The following ITSN1 variants were observed in gnomAD, a reference collection of about 807,000 sequenced individuals.
ITSN1 encodes the protein intersectin 1.
A neutral mutation model predicts 239.8 loss-of-function variants in ITSN1; 58 were observed. The ratio of observed to expected loss-of-function variants is 0.24; its 90% CI spans 0.20 to 0.30. The LOEUF (loss-of-function observed/expected upper bound fraction) is 0.30, where lower values mean the gene tolerates loss of function less well. Among genes scored for constraint, ITSN1 ranks in the 10% least tolerant of loss-of-function variants. The probability of loss-of-function intolerance (pLI) is 1.00; values close to 1 mark genes in which losing one functional copy is unlikely to be tolerated. For synonymous variants in ITSN1, 780 were observed against 770.8 expected, an observed-to-expected ratio of 1.01 and a Z score of -0.20; for missense variants, 1,558 against 2,103.3, an observed-to-expected ratio of 0.74 and a Z score of 5.07.
chr21:33,656,349 A>G (rs1470952671), intron 1 of ITSN1, among the ~76,000 whole-genome samples: 1 of 152,114 alleles, frequency 6.6e-6, no homozygotes, highest in Non-Finnish European at 1.5e-5. Flanking sequence ...GTGTCATACA[A>G]ATTAATAATT....
intron 1 of ITSN1, among the ~76,000 whole-genome samples, chr21:33,705,119 A>T (rs920763322): frequency 6.7e-6 from 1 of 149,938 alleles, no homozygotes; most frequent in Non-Finnish European, 1.5e-5. Flanking sequence ...TCAAAAAAAA[A>T]AAAAAAAAAA....
chr21:33,842,876 G>C (rs1169158330), intron 29 of ITSN1, among the ~76,000 whole-genome samples: 1 of 152,070 alleles, frequency 6.6e-6, no homozygotes, highest in Non-Finnish European at 1.5e-5. Flanking sequence ...GTTTCCCTCA[G>C]TGAGAGGATG....
At chr21:33,826,752 A>T in intron 25 of ITSN1, 66 bp from the exon 26 acceptor site, 1 of 1,451,292 alleles carries the variant, frequency 6.9e-7, no homozygotes, top group Non-Finnish European at 9.7e-7. Flanking sequence ...TATCATCATT[A>T]ATCGTTTTTA....
In ITSN1 at chr21:33,703,925, G is replaced by T. The variant is rs1236386456; in HGVS notation, c.-32-14872G>T. Among the ~76,000 whole-genome samples, 3 of 152,168 alleles carry T rather than the reference G, an allele frequency of 2.0e-5. No homozygotes were observed. The South Asian group carries it at 6.2e-4, about 32-fold the overall frequency. On this transcript the variant is annotated intron_variant, in intron 1 of 39. Transcript: ENST00000381318. ...CCCTTAGCCCTGAGGTGCTGCCTCT[G>T]CTTGGGGCTGAGCTTCCTGCACTCC...
intron 4 of ITSN1, among the ~76,000 whole-genome samples, chr21:33,731,317 G>A (rs907619722): frequency 6.6e-6 from 1 of 152,138 alleles, no homozygotes; most frequent in Non-Finnish European, 1.5e-5. Flanking sequence ...TGGGGAACAG[G>A]GAGTGGGCAC....
rs899089428 is a variant in ITSN1, at chr21:33,750,259, G to A, written c.463G>A (p.Val155Met). 1 of 1,614,106 alleles carries A rather than the reference G, an allele frequency of 6.2e-7. No individual in the cohort carries two copies. Among genetic ancestry groups the A allele is most frequent in the African/African-American group, 1.3e-5 (1 of 75,038 alleles). Residue 155 changes from valine to methionine, a missense_variant, in exon 6 of 40, where the codon GTG (valine) becomes ATG (methionine). Val to Met is a conservative substitution (Grantham distance 21). Transcript: ENST00000381318. ...AGTATCTTCTGTTCCCACAGCAGCT[G>A]TGCCCCCCCTGGCTAACGGGGCTCC... The part of the protein sequence containing the change: ...TLVSSVPTAA[V>M]PPLANGAPPV...
chr21:33,677,696 CGTCTTAGTAAATAGCGCT>C (rs1298101264), intron 1 of ITSN1, among the ~76,000 whole-genome samples: 1 of 152,140 alleles, frequency 6.6e-6, no homozygotes, highest in Non-Finnish European at 1.5e-5. Flanking sequence ...AGTCCTTTCT[CGTCTTAGTAAATAGCGCT>C]GTCAAACACC....
chr21:33,849,240 TAACAAA>T (rs2075081775), intron 29 of ITSN1, among the ~76,000 whole-genome samples: 1 of 142,824 alleles, frequency 7.0e-6, no homozygotes. Context: ...TCTGTCTAAA[TAACAAA>T]AACAAGAACA....
intron 4 of ITSN1, among the ~76,000 whole-genome samples, chr21:33,730,388 CTTTTT>C (rs71194863): frequency 3.2e-4 from 16 of 49,342 alleles, no homozygotes; most frequent in African/African-American, 1.1e-3. Context: ...GCTCTCTGTT[CTTTTT>C]TTTTTTTTTT....
chr21:33,657,632 A>C (rs9647066), intron 1 of ITSN1, among the ~76,000 whole-genome samples: 32,439 of 152,086 alleles, frequency 0.21, 3,582 homozygotes, highest in Non-Finnish European at 0.23. Context: ...AACATCATAA[A>C]GTGTATGGTT....
At chr21:33,772,455 C>A in intron 12 of ITSN1, 132 bp downstream of exon 12, 2 of 1,105,334 alleles carry the variant, frequency 1.8e-6, no homozygotes, top group Non-Finnish European at 2.6e-6. Context: ...CAAAGTTGTG[C>A]AACCATCGTC....
chr21:33,801,681 G>A (rs2072017832), intron 19 of ITSN1, among the ~76,000 whole-genome samples: 1 of 152,116 alleles, frequency 6.6e-6, no homozygotes, highest in African/African-American at 2.4e-5. Flanking sequence ...CCAGGCTCCA[G>A]ATCTTTAAAA....
In ITSN1 at chr21:33,710,811, T is replaced by G. The variant is rs906634829; in HGVS notation, c.-32-7986T>G. 2.7e-5 allele frequency among the ~76,000 whole-genome samples: 4 copies of G among 150,852 alleles called. No homozygotes were observed. In the East Asian group the frequency reaches 7.7e-4, roughly 29 times the overall value. On this transcript the variant is annotated intron_variant, in intron 1 of 39. Transcript: ENST00000381318. ...CTTTTGGGGGAAGTTTTTTGTTTTT[T>G]TTTTTTTTCTTTTGAGACGGAGTCT...
At chr21:33,781,425 C>T in intron 14 of ITSN1, 36 bp from the exon 15 acceptor site, 1 of 1,157,684 alleles carries the variant, frequency 8.6e-7, no homozygotes, top group Non-Finnish European at 1.3e-6. Flanking sequence ...GTAGCCTTCC[C>T]TGTCATTCAT....
chr21:33,670,821 G>A (rs1407402016), intron 1 of ITSN1, among the ~76,000 whole-genome samples: 1 of 152,202 alleles, frequency 6.6e-6, no homozygotes, highest in Non-Finnish European at 1.5e-5. Flanking sequence ...AGAATGCAGT[G>A]GCTGCAAATG....
chr21:33,734,283 G>C (rs2066362303), intron 4 of ITSN1, among the ~76,000 whole-genome samples: 1 of 152,152 alleles, frequency 6.6e-6, no homozygotes, highest in African/African-American at 2.4e-5. Context: ...AAAAGGCCGA[G>C]AAGCGATTCC....
chr21:33,856,417 C>T (rs574013404), intron 29 of ITSN1, among the ~76,000 whole-genome samples: 1 of 152,316 alleles, frequency 6.6e-6, no homozygotes, highest in East Asian at 1.9e-4. Context: ...GGTTTGGAAA[C>T]ACATCACTCC....
intron 5 of ITSN1, among the ~76,000 whole-genome samples, chr21:33,748,781 CTTGAGCCCAGAAGGT>C (rs1415440610): frequency 6.6e-6 from 1 of 151,948 alleles, no homozygotes; most frequent in Non-Finnish European, 1.5e-5. Flanking sequence ...GGGACGATCG[CTTGAGCCCAGAAGGT>C]GAAGGCTACA....
At chr21:33,758,030 A>G (rs1352031184) in intron 8 of ITSN1, among the ~76,000 whole-genome samples, 1 of 151,842 alleles carries the variant, frequency 6.6e-6, no homozygotes, top group African/African-American at 2.4e-5. Flanking sequence ...GCGTGCATGC[A>G]CCACCACACC....
Sources: allele counts gnomAD v4.1 joint callset (sites outside exome capture counted in the v4.1 genomes callset), GRCh38; gene constraint gnomAD v4.1.1; transcripts MANE v1.5; gene names NCBI Gene and HGNC (gene_info 2026-07-23, HGNC 2026-07-21).